Variants in FOCAD observed in about 807,000 individuals in gnomAD.
FOCAD encodes KIAA1797.
Under a neutral mutation model 225.6 loss-of-function variants are expected in FOCAD, and 198 were observed. The observed-to-expected ratio is 0.88, with a 90% confidence interval of 0.78 to 0.99. The LOEUF (loss-of-function observed/expected upper bound fraction) is 0.99, where lower values mean the gene tolerates loss of function less well. Ranked by LOEUF, FOCAD falls within the 50% of genes least tolerant of loss-of-function variation. The pLI, the probability that FOCAD is intolerant of heterozygous loss-of-function variation, is 0.00. For missense variants in FOCAD, 2,713 were observed against 2,123.6 expected (o/e 1.28, Z -5.46); for synonymous variants, 897 against 755.0 (o/e 1.19, Z -3.08).
At chr9:20,671,922 A>G (rs912614998) in intron 2 of FOCAD, among the ~76,000 whole-genome samples, 2 of 152,054 alleles carry the variant, frequency 1.3e-5, no homozygotes, top group Non-Finnish European at 2.9e-5. Flanking sequence ...CATCAGGTTC[A>G]TAGTTTGAAT....
At chr9:20,871,903 T>TATA (rs986023406) in intron 18 of FOCAD, among the ~76,000 whole-genome samples, 53 of 117,858 alleles carry the variant, frequency 4.5e-4, no homozygotes, top group African/African-American at 1.7e-3. Flanking sequence ...AAACTTAAAG[T>TATA]ATAATAATAA....
intron 18 of FOCAD, among the ~76,000 whole-genome samples, chr9:20,871,460 A>G (rs551559752): frequency 5.3e-5 from 8 of 151,986 alleles, no homozygotes; most frequent in African/African-American, 1.9e-4. Flanking sequence ...CTTTCAACTG[A>G]GTTCTCTTGA....
intron 6 of FOCAD, among the ~76,000 whole-genome samples, chr9:20,758,717 A>T (rs1029397620): frequency 1.1e-4 from 16 of 152,158 alleles, no homozygotes; most frequent in African/African-American, 3.9e-4. Flanking sequence ...ATGGCTGCAT[A>T]GTATTCCATG....
intron 7 of FOCAD, among the ~76,000 whole-genome samples, chr9:20,767,200 A>G (rs1587082347): frequency 6.6e-6 from 1 of 151,084 alleles, no homozygotes; most frequent in African/African-American, 2.4e-5. Flanking sequence ...TATATGTGCC[A>G]CATTTTCTTA....
chr9:20,882,150 T>C, intron 20 of FOCAD, 94 bp downstream of exon 20: 1 of 1,041,034 alleles, frequency 9.6e-7, no homozygotes, highest in Non-Finnish European at 1.4e-6. Flanking sequence ...TGGCAGGGTG[T>C]TGCTGCTGCT....
At chr9:20,939,822 AT>A (rs1190881749) in intron 28 of FOCAD, among the ~76,000 whole-genome samples, 1 of 150,808 alleles carries the variant, frequency 6.6e-6, no homozygotes, top group African/African-American at 2.4e-5. Flanking sequence ...TTGCATATGT[AT>A]ACATGTGCCA....
chr9:20,687,755 CCTTAA>C (rs1822750648), intron 1 of FOCAD, among the ~76,000 whole-genome samples: 1 of 152,190 alleles, frequency 6.6e-6, no homozygotes, highest in African/African-American at 2.4e-5. Context: ...GGTGCTAGGT[CCTTAA>C]CTTATCTTTA....
intron 21 of FOCAD, among the ~76,000 whole-genome samples, chr9:20,887,054 T>C (rs1209256503): frequency 6.6e-6 from 1 of 152,164 alleles, no homozygotes; most frequent in East Asian, 1.9e-4. Context: ...GAAATACATT[T>C]GGATTTTTCC....
intron 2 of FOCAD, among the ~76,000 whole-genome samples, chr9:20,667,497 T>A (rs1386336176): frequency 6.6e-6 from 1 of 152,202 alleles, no homozygotes; most frequent in African/African-American, 2.4e-5. Flanking sequence ...CTCCTTTGTT[T>A]TAACCTCATC....
chr9:20,932,093 G>A (rs949067137), intron 27 of FOCAD, among the ~76,000 whole-genome samples: 4 of 151,994 alleles, frequency 2.6e-5, no homozygotes, highest in Non-Finnish European at 4.4e-5. Flanking sequence ...CATTTGTTTA[G>A]GATATTTAAG....
rs3086515 is a variant in FOCAD at position 20,662,204 on chromosome 9, ATGTG to A, written c.-78+3392_-78+3395del. Among the ~76,000 whole-genome samples, 234 of 151,080 alleles carry A rather than the reference ATGTG, an allele frequency of 1.5e-3. 1 individual carries two copies. Among genetic ancestry groups the A allele is most frequent in the African/African-American group, 5.2e-3 (213 of 41,198 alleles). ...AATATATGTGTGTGTGTGTGCATATATGTGTGTGTGTGTGTGTATAATTACAAGC... is the reference window on the plus strand; with the variant it reads ...AATATATGTGTGTGTGTGTGCATATATGTGTGTGTGTGTATAATTACAAGC... On this transcript the variant is annotated intron_variant, in intron 2 of 45. Coordinates refer to the FOCAD transcript ENST00000380249.
chr9:20,976,290 A>G, intron 35 of FOCAD, 130 bp from the exon 36 acceptor site: 1 of 792,648 alleles, frequency 1.3e-6, no homozygotes, highest in East Asian at 2.6e-5. Flanking sequence ...ACAGAATTGA[A>G]GCGTTGATCG....
In FOCAD at chr9:20,820,922, T is replaced by G. The variant is rs370652507; in HGVS notation, c.1663-19T>G. ...ACTCAAGTTGGGAAACTACCTTTTTTGTAAAATTGCCTTCGTAGGACCGAG... is the reference window on the plus strand; with the variant it reads ...ACTCAAGTTGGGAAACTACCTTTTTGGTAAAATTGCCTTCGTAGGACCGAG... On this transcript the variant is annotated intron_variant, in intron 13 of 43. Transcript: ENST00000338382. 1 of 1,604,496 alleles carries G rather than the reference T, an allele frequency of 6.2e-7. No homozygotes were observed. The highest frequency in any genetic ancestry group is 8.5e-7 in the Non-Finnish European group (1 of 1,175,508).
At chr9:20,896,068 A>G (rs528075181) in intron 21 of FOCAD, among the ~76,000 whole-genome samples, 1 of 151,968 alleles carries the variant, frequency 6.6e-6, no homozygotes, top group East Asian at 1.9e-4. Flanking sequence ...AGTTTTTATC[A>G]TGAAAAACTG....
At position 20,717,839 on chromosome 9, in the gene FOCAD, T is replaced by C. The variant is rs779812945; in HGVS notation, c.103T>C (p.Ser35Pro). Residue 35 changes from serine to proline, a missense_variant, in exon 3 of 44, where the codon TCA (serine) becomes CCA (proline). Ser to Pro is a moderately conservative substitution (Grantham distance 74). Coordinates refer to ENST00000338382, the MANE Select transcript of FOCAD (RefSeq NM_001375567.1). The stretch of plus-strand genomic sequence containing the variant: ...TGCAGTCCTAAAGGAAAATGGTTTT[T>C]CAGAAAAGATTCACCAATCTACAAA... The part of the protein sequence containing the change: ...IAAVLKENGF[S>P]EKIHQSTNQT... 1 of 1,612,792 alleles carries C rather than the reference T, an allele frequency of 6.2e-7. No homozygotes were observed. Among genetic ancestry groups the C allele is most frequent in the East Asian group, 2.2e-5 (1 of 44,774 alleles).
At chr9:20,731,081 C>G (rs1464333457) in intron 4 of FOCAD, among the ~76,000 whole-genome samples, 3 of 151,750 alleles carry the variant, frequency 2.0e-5, no homozygotes. Context: ...ACTAAAAATA[C>G]AAAAAAAATT....
intron 5 of FOCAD, among the ~76,000 whole-genome samples, chr9:20,753,183 C>T (rs1343060361): frequency 6.6e-6 from 1 of 152,044 alleles, no homozygotes; most frequent in East Asian, 1.9e-4. Flanking sequence ...CTGGCCAGAA[C>T]TTCCAACACT....
chr9:20,693,031 G>C (rs1383817353), intron 1 of FOCAD, among the ~76,000 whole-genome samples: 1 of 152,170 alleles, frequency 6.6e-6, no homozygotes, highest in Non-Finnish European at 1.5e-5. Flanking sequence ...AAAAACGTGA[G>C]TTAGATCTCT....
intron 4 of FOCAD, among the ~76,000 whole-genome samples, chr9:20,729,592 G>T (rs186989733): frequency 5.3e-5 from 8 of 152,274 alleles, no homozygotes; most frequent in Non-Finnish European, 1.0e-4. Context: ...TGTCTTGATT[G>T]TGTGAGCATA....
Sources: allele counts gnomAD v4.1 joint callset (sites outside exome capture counted in the v4.1 genomes callset), GRCh38; gene constraint gnomAD v4.1.1; transcripts MANE v1.5; gene names NCBI Gene and HGNC (gene_info 2026-07-23, HGNC 2026-07-21).